Variants in AKNA observed in about 807,000 individuals in gnomAD.
The protein encoded by AKNA is microtubule organization protein AKNA.
A neutral mutation model predicts 138.8 loss-of-function variants in AKNA; 67 were observed. The ratio of observed to expected loss-of-function variants is 0.48; its 90% CI spans 0.40 to 0.59. The LOEUF is 0.59. AKNA is among the 20% of genes least tolerant of loss of function. The probability of loss-of-function intolerance (pLI) is 0.00; values close to 1 mark genes in which losing one functional copy is unlikely to be tolerated. For missense variants in AKNA, 1,813 were observed against 1,880.4 expected (o/e 0.96, Z 0.66); for synonymous variants, 737 against 754.4 (o/e 0.98, Z 0.38).
At chr9:114,370,193 C>T (rs1011202344) in intron 4 of AKNA, among the ~76,000 whole-genome samples, 1 of 152,220 alleles carries the variant, frequency 6.6e-6, no homozygotes, top group Admixed American at 6.5e-5. Flanking sequence ...GCATGGTCCC[C>T]GCCGCCTCCC....
chr9:114,337,013 G>GAGCCCCC lies in AKNA; in HGVS notation c.*40_*41insGGGGGCT. ...CCACTCCTGGCCTGGCAGGCCACCT[G>GAGCCCCC]CCCACCCACCCACCCATCTGCCTCT... On this transcript the variant is annotated 3_prime_UTR_variant, in exon 22 of 22. Coordinates refer to ENST00000374088, the MANE Select transcript of AKNA (RefSeq NM_001317950.2). 8.4e-7 allele frequency: 1 copy of GAGCCCCC among 1,185,370 alleles called. No individual in the cohort carries two copies. Among genetic ancestry groups the GAGCCCCC allele is most frequent in the South Asian group, 2.5e-5 (1 of 40,612 alleles). The allele number at this position is 1,185,370 out of a possible 1,614,324, so 73.4% of individuals were successfully genotyped here.
chr9:114,361,565 A>C, intron 9 of AKNA, 139 bp downstream of exon 9: 1 of 1,016,066 alleles, frequency 9.8e-7, no homozygotes, highest in Non-Finnish European at 1.5e-6. Flanking sequence ...ACACTTCATA[A>C]ATATGTAATA....
chr9:114,394,166 T>C (rs1400381364), intron 1 of AKNA, among the ~76,000 whole-genome samples: 1 of 138,878 alleles, frequency 7.2e-6, no homozygotes, highest in Non-Finnish European at 1.6e-5. Context: ...ACAGTGAAAC[T>C]GTCTCAATTA....
Position 114,341,654 on chromosome 9 carries a change from C to T in AKNA, c.3946G>A (p.Gly1316Arg), listed in dbSNP as rs1830358367. 6.2e-7 allele frequency: 1 copy of T among 1,609,550 alleles called. No individual in the cohort carries two copies. Among genetic ancestry groups the T allele is most frequent in the Admixed American group, 1.7e-5 (1 of 58,578 alleles). ...CCGGGGGGTGGGCGTGGCGACGACCCCGCCTGCTTGCTCCTCTGCTTGGGG... is the reference window on the plus strand; with the variant it reads ...CCGGGGGGTGGGCGTGGCGACGACCTCGCCTGCTTGCTCCTCTGCTTGGGG... ...PSPKQRSKQAGSSPRPPPGLW... is the reference protein window; with the variant it reads ...PSPKQRSKQARSSPRPPPGLW... Residue 1316 changes from glycine (G) to arginine (R), a missense_variant, in exon 21 of 22, where the codon GGG (glycine) becomes AGG (arginine). Coordinates refer to ENST00000374088, the MANE Select transcript of AKNA (RefSeq NM_001317950.2).
At chr9:114,378,398 G>A (rs1332338625) in intron 2 of AKNA, among the ~76,000 whole-genome samples, 1 of 152,222 alleles carries the variant, frequency 6.6e-6, no homozygotes, top group Non-Finnish European at 1.5e-5. Context: ...TATCATAGCA[G>A]CAGTTTTCCA....
At chr9:114,346,605 A>G in intron 17 of AKNA, 64 bp downstream of exon 17, 1 of 1,320,506 alleles carries the variant, frequency 7.6e-7, no homozygotes, top group Non-Finnish European at 1.1e-6. Context: ...GTGGTCCCTG[A>G]CCACTGAGCC....
chr9:114,380,988 A>G lies in AKNA; in HGVS notation c.274+72T>C, dbSNP rs939794053. On this transcript the variant is annotated intron_variant, in intron 2 of 21. Coordinates refer to ENST00000374088, the MANE Select transcript of AKNA (RefSeq NM_001317950.2). ...TGAAGCAAGACTCTGTCTCAAAAAA[A>G]AAAAAAAAAAAAAGAACGTGTGATG... 2.6e-5 allele frequency: 36 copies of G among 1,383,562 alleles called. No individual in the cohort carries two copies. In the African/African-American group the frequency reaches 6.0e-4, roughly 23 times the overall value. The allele number at this position is 1,383,562 out of a possible 1,614,324, so 85.7% of individuals were successfully genotyped here.
intron 3 of AKNA, among the ~76,000 whole-genome samples, chr9:114,375,035 CCAA>C (rs1833065107): frequency 6.6e-6 from 1 of 152,230 alleles, no homozygotes; most frequent in Non-Finnish European, 1.5e-5. Flanking sequence ...GTCAAAATCA[CCAA>C]CAAGAGAGCA....
intron 8 of AKNA, 95 bp from the exon 9 acceptor site, chr9:114,362,006 GC>G: frequency 7.8e-7 from 1 of 1,285,084 alleles, no homozygotes; most frequent in Non-Finnish European, 1.1e-6. Context: ...TCCAGGGGAT[GC>G]CCCCTTAGGG....
chr9:114,347,603 A>G, intron 16 of AKNA, 121 bp downstream of exon 16: 1 of 1,013,594 alleles, frequency 9.9e-7, no homozygotes, highest in Non-Finnish European at 1.4e-6. Flanking sequence ...GAATGAATGA[A>G]TGAGTGAGAG....
Position 114,377,187 on chromosome 9 carries a change from C to T in AKNA, c.620G>A (p.Ser207Asn), listed in dbSNP as rs1211409591. The change falls in exon 3 of 22, where the codon AGC becomes AAC. Residue 207 changes from serine to asparagine, a missense_variant. Coordinates refer to ENST00000374088, the MANE Select transcript of AKNA (RefSeq NM_001317950.2). Reference protein sequence around the residue: ...PARSWSSGTVSLDHPSDSLDS... With the variant: ...PARSWSSGTVNLDHPSDSLDS... ...AAGGCTGTCACTAGGGTGGTCGAGG[C>T]TCACTGTCCCACTGCTCCAGGACCT... 1 of 1,614,198 alleles carries T rather than the reference C, an allele frequency of 6.2e-7. No homozygotes were observed. The highest frequency in any genetic ancestry group is 8.5e-7 in the Non-Finnish European group (1 of 1,180,026).
In AKNA at chr9:114,376,473, T is replaced by C; in HGVS notation, c.1334A>G (p.Gln445Arg). The change falls in exon 3 of 22, where the codon CAG (glutamine) becomes CGG (arginine). Residue 445 changes from glutamine to arginine, a missense_variant. Transcript: ENST00000374088. ...GCCATGAGTCCCACTAACCTGGAGC[T>C]GATGGACCAGCTCAGTGGCTTGCTC... is the stretch of plus-strand genomic sequence containing the variant. ...TPEQATELVH[Q>R]LQEDYHRLLT... The C allele has an allele frequency of 1.2e-6, 2 of 1,613,928 alleles. No individual in the cohort carries two copies. The highest frequency in any genetic ancestry group is 1.7e-6 in the Non-Finnish European group (2 of 1,179,940).
chr9:114,369,698 T>C (rs1832624593), intron 4 of AKNA, among the ~76,000 whole-genome samples: 1 of 151,816 alleles, frequency 6.6e-6, no homozygotes, highest in African/African-American at 2.4e-5. Context: ...ATCAGCATCA[T>C]CACCATCAGC....
At chr9:114,348,946 C>T (rs761567015) in intron 15 of AKNA, 58 of 456,202 alleles carry the variant, frequency 1.3e-4, no homozygotes, top group Admixed American at 3.1e-4. Context: ...CAGACATGAG[C>T]GCTCAGATGA....
At position 114,345,750 on chromosome 9, in the gene AKNA, T is replaced by C. The variant is rs573086329; in HGVS notation, c.3661+113A>G. On this transcript the variant is annotated intron_variant, in intron 18 of 21. Coordinates refer to ENST00000374088, the MANE Select transcript of AKNA (RefSeq NM_001317950.2). ...GCTGGTTTTCATATCACAGAACTGA[T>C]AGAAAATGATATTTGAATGGCCCAC... 169 of 987,972 alleles carry C rather than the reference T, an allele frequency of 1.7e-4. 1 individual carries two copies. The South Asian group carries it at 2.7e-3, about 16-fold the overall frequency. 61.2% of individuals were successfully genotyped at this position (987,972 alleles called of 1,614,324 possible). A position where few individuals can be genotyped will look rare whatever the true frequency, so the allele number is the denominator to read the frequency against.
intron 1 of AKNA, among the ~76,000 whole-genome samples, chr9:114,385,704 G>A (rs1195325350): frequency 1.3e-5 from 2 of 152,148 alleles, no homozygotes; most frequent in South Asian, 2.1e-4. Context: ...GCCCCCAGGC[G>A]CCTAAACCAG....
chr9:114,376,823 G>C lies in AKNA; in HGVS notation c.984C>G (p.Gly328=), dbSNP rs757250421. The change falls in exon 3 of 22, where the codon GGC becomes GGG. Residue 328 remains glycine (G), a synonymous_variant. Coordinates refer to ENST00000374088, the MANE Select transcript of AKNA (RefSeq NM_001317950.2). Reference sequence around the variant, plus strand: ...TGGCTCCCTGTCTGGGCAGCGGCCTGCCCTGCCGCGTTGGCCTGGGCTGGG... The same window carrying C: ...TGGCTCCCTGTCTGGGCAGCGGCCTCCCCTGCCGCGTTGGCCTGGGCTGGG... The part of the protein sequence containing the change: ...LNPQPRPTRQ[G]RPLPRQGATL... The C allele has an allele frequency of 1.2e-6, 2 of 1,612,786 alleles. No individual in the cohort carries two copies. The highest frequency in any genetic ancestry group is 1.7e-4 in the Middle Eastern group (1 of 6,054).
At chr9:114,391,787 G>C (rs1834347474), upstream of AKNA, among the ~76,000 whole-genome samples, 3 of 148,214 alleles carry the variant, frequency 2.0e-5, no homozygotes, top group Non-Finnish European at 4.4e-5. Context: ...CTGGGAGGCG[G>C]AGGTTGCAGT....
intron 19 of AKNA, 107 bp downstream of exon 19, chr9:114,343,601 A>G: frequency 8.7e-7 from 1 of 1,144,318 alleles, no homozygotes. Context: ...CCTATAACCC[A>G]CTGCTAAGTT....
Sources: allele counts gnomAD v4.1 joint callset (sites outside exome capture counted in the v4.1 genomes callset), GRCh38; gene constraint gnomAD v4.1.1; transcripts MANE v1.5; gene names NCBI Gene and HGNC (gene_info 2026-07-23, HGNC 2026-07-21).